The following PNLIPRP3 variants were observed in gnomAD, a reference collection of about 807,000 sequenced individuals.
The protein encoded by PNLIPRP3 is pancreatic lipase related protein 3.
In PNLIPRP3, 58 loss-of-function variants were observed where a neutral mutation model predicts 52.8. That is an observed-to-expected ratio of 1.10 (90% CI 0.89 to 1.37). PNLIPRP3 has a LOEUF of 1.37. Among genes scored for constraint, PNLIPRP3 ranks in the 40% most tolerant of loss-of-function variants. The probability of loss-of-function intolerance (pLI) is 0.00; values close to 1 mark genes in which losing one functional copy is unlikely to be tolerated. For missense variants in PNLIPRP3, 593 were observed against 561.6 expected (o/e 1.06, Z -0.57); for synonymous variants, 192 against 185.0 (o/e 1.04, Z -0.31).
chr10:116,467,086 A>G (rs903970148), intron 8 of PNLIPRP3, among the ~76,000 whole-genome samples: 1 of 152,178 alleles, frequency 6.6e-6, no homozygotes, highest in Admixed American at 6.5e-5. Context: ...GAGTCTTTGT[A>G]TATTTGGAGA....
At chr10:116,472,993 C>T (rs1846399260) in intron 10 of PNLIPRP3, among the ~76,000 whole-genome samples, 1 of 152,360 alleles carries the variant, frequency 6.6e-6, no homozygotes, top group East Asian at 1.9e-4. Flanking sequence ...TTGAGGCTCA[C>T]AGGACGCTGG....
rs749186331 is a variant in PNLIPRP3, at chr10:116,443,158, A to G, written c.308A>G (p.Gln103Arg). ...GGATGGAAAACAGATGGCAAATGGC[A>G]GAGAGACATGTGCAATGTATGACAT... is the stretch of plus-strand genomic sequence containing the variant. ...IAGWKTDGKW[Q>R]RDMCNVLLQL... Residue 103 changes from glutamine (Q) to arginine (R), a missense_variant, in exon 3 of 12, where the codon CAG becomes CGG. Coordinates refer to ENST00000369230, the MANE Select transcript of PNLIPRP3 (RefSeq NM_001011709.3). The G allele has an allele frequency of 1.2e-6, 2 of 1,610,958 alleles. No homozygotes were observed. The highest frequency in any genetic ancestry group is 8.5e-7 in the Non-Finnish European group (1 of 1,178,176).
rs1185580471 is a variant in PNLIPRP3, at chr10:116,477,266, A to G, written c.*113A>G. Reference sequence around the variant, plus strand: ...CTTGTAAATGACTTAGTCATTTACAAGGGTCTTACTCAGAGTCAAGTACGG... The same window carrying G: ...CTTGTAAATGACTTAGTCATTTACAGGGGTCTTACTCAGAGTCAAGTACGG... On this transcript the variant is annotated 3_prime_UTR_variant, in exon 12 of 12. Coordinates refer to ENST00000369230, the MANE Select transcript of PNLIPRP3 (RefSeq NM_001011709.3). 6.4e-5 allele frequency: 52 copies of G among 807,928 alleles called. No homozygotes were observed. Among genetic ancestry groups the G allele is most frequent in the Non-Finnish European group, 9.4e-5 (48 of 508,902 alleles). The allele number at this position is 807,928 out of a possible 1,614,324, so 50.0% of individuals were successfully genotyped here.
chr10:116,468,418 C>G (rs1013110301), intron 8 of PNLIPRP3, among the ~76,000 whole-genome samples: 3 of 152,200 alleles, frequency 2.0e-5, no homozygotes, highest in African/African-American at 7.2e-5. Flanking sequence ...TAGCTCTAAT[C>G]ATAAATGAAA....
intron 7 of PNLIPRP3, among the ~76,000 whole-genome samples, chr10:116,464,468 T>C (rs1402764532): frequency 1.3e-5 from 2 of 152,194 alleles, no homozygotes; most frequent in Admixed American, 1.3e-4. Context: ...TGGCAGCCTG[T>C]GCTCAGCTCA....
intron 1 of PNLIPRP3, among the ~76,000 whole-genome samples, chr10:116,435,991 C>T (rs916377920): frequency 1.3e-5 from 2 of 152,184 alleles, no homozygotes; most frequent in Non-Finnish European, 2.9e-5. Context: ...GACATAAAAA[C>T]AGACACATAA....
chr10:116,476,811 T>C lies in PNLIPRP3; in HGVS notation c.1332T>C (p.Tyr444=). 1.3e-6 allele frequency: 2 copies of C among 1,592,722 alleles called. No homozygotes were observed. Among genetic ancestry groups the C allele is most frequent in the Non-Finnish European group, 1.7e-6 (2 of 1,171,858 alleles). The change falls in exon 11 of 12, where the codon TAT becomes TAC. Residue 444 remains tyrosine, a synonymous_variant. Coordinates refer to ENST00000369230, the MANE Select transcript of PNLIPRP3 (RefSeq NM_001011709.3). The part of the protein sequence containing the change: ...AEMVINTSGK[Y]GYKSTFCSQD... The stretch of plus-strand genomic sequence containing the variant: ...TGGTGATAAATACATCTGGGAAATA[T>C]GGATATAAGTAAGTATTGCTTTTTC...
rs114805141 is a variant in PNLIPRP3, at chr10:116,440,268, G to A, written c.205-2787G>A. 4.4e-3 allele frequency among the ~76,000 whole-genome samples: 673 copies of A among 152,210 alleles called. 10 individuals are homozygous for A. The highest frequency in any genetic ancestry group is 0.016 in the African/African-American group (654 of 41,542). On this transcript the variant is annotated intron_variant, in intron 2 of 11. Transcript: ENST00000369230. ...TGGCCATGCACTTGAATTCTGTGGAGCACGGTCAGTAAAACAGAAGGTGAT... is the reference window on the plus strand; with the variant it reads ...TGGCCATGCACTTGAATTCTGTGGAACACGGTCAGTAAAACAGAAGGTGAT...
At chr10:116,435,786 T>C (rs551992842) in intron 1 of PNLIPRP3, among the ~76,000 whole-genome samples, 1 of 152,358 alleles carries the variant, frequency 6.6e-6, no homozygotes, top group Non-Finnish European at 1.5e-5. Context: ...TGCTTTTTGC[T>C]ATTAAGTTGT....
intron 10 of PNLIPRP3, among the ~76,000 whole-genome samples, chr10:116,474,945 A>C (rs1033794701): frequency 1.3e-5 from 2 of 152,200 alleles, no homozygotes; most frequent in Admixed American, 6.5e-5. Flanking sequence ...TATATACCCA[A>C]AGGAATAGAA....
intron 10 of PNLIPRP3, among the ~76,000 whole-genome samples, chr10:116,472,795 C>G (rs143804475): frequency 6.6e-6 from 1 of 152,298 alleles, no homozygotes; most frequent in African/African-American, 2.4e-5. Flanking sequence ...TTCAGTTCAG[C>G]GAGGCTACAC....
At chr10:116,458,288 C>T (rs1353377651) in intron 5 of PNLIPRP3, among the ~76,000 whole-genome samples, 5 of 152,112 alleles carry the variant, frequency 3.3e-5, no homozygotes, top group African/African-American at 4.8e-5. Context: ...AGATCCTAAA[C>T]GATTAGTTCT....
chr10:116,465,401 G>C (rs754516328), intron 7 of PNLIPRP3, among the ~76,000 whole-genome samples: 43 of 151,998 alleles, frequency 2.8e-4, no homozygotes, highest in Non-Finnish European at 4.3e-4. Flanking sequence ...CCGGCGTGGT[G>C]GTGGGCGCCT....
Position 116,476,804 on chromosome 10 carries a change from G to T in PNLIPRP3, c.1325G>T (p.Gly442Val). 6.3e-7 allele frequency: 1 copy of T among 1,597,148 alleles called. No homozygotes were observed. The highest frequency in any genetic ancestry group is 1.1e-5 in the South Asian group (1 of 87,252). ...GCAGAAATGGTGATAAATACATCTG[G>T]GAAATATGGATATAAGTAAGTATTG... ...LGAEMVINTSGKYGYKSTFCS... is the reference protein window; with the variant it reads ...LGAEMVINTSVKYGYKSTFCS... The change falls in exon 11 of 12, where the codon GGG (glycine) becomes GTG (valine). Residue 442 changes from glycine to valine, a missense_variant. Physicochemically the swap from Gly to Val is moderately radical, Grantham distance 109 (BLOSUM62 -3). Coordinates refer to ENST00000369230, the MANE Select transcript of PNLIPRP3 (RefSeq NM_001011709.3).
At chr10:116,454,365 G>A (rs1324863982) in intron 4 of PNLIPRP3, among the ~76,000 whole-genome samples, 4 of 152,138 alleles carry the variant, frequency 2.6e-5, no homozygotes, top group Non-Finnish European at 2.9e-5. Context: ...TGATCTGCCC[G>A]CCTCAGCCTC....
Position 116,476,757 on chromosome 10 carries a change from A to G in PNLIPRP3, c.1278A>G (p.Glu426=), listed in dbSNP as rs76805457. Residue 426 remains glutamate (E), a synonymous_variant, in exon 11 of 12, where the codon GAA becomes GAG. Transcript: ENST00000369230. ...TCATCTGGAAAAAACATTTGTTTGAAGATTCTCAGAATAAGTTGGGAGCAG... is the reference window on the plus strand; with the variant it reads ...TCATCTGGAAAAAACATTTGTTTGAGGATTCTCAGAATAAGTTGGGAGCAG... ...VQFIWKKHLF[E]DSQNKLGAEM... 2,411 of 1,611,044 alleles carry G rather than the reference A, an allele frequency of 1.5e-3. 33 individuals carry two copies. In the African/African-American group the frequency reaches 0.028, roughly 19 times the overall value.
chr10:116,474,504 G>T (rs892705334), intron 10 of PNLIPRP3, among the ~76,000 whole-genome samples: 1 of 152,134 alleles, frequency 6.6e-6, no homozygotes, highest in Non-Finnish European at 1.5e-5. Context: ...TCAACAGAGT[G>T]AACAGACAAC....
chr10:116,441,902 G>A (rs1470924460), intron 2 of PNLIPRP3, among the ~76,000 whole-genome samples: 3 of 152,148 alleles, frequency 2.0e-5, no homozygotes, highest in Admixed American at 2.0e-4. Flanking sequence ...AGATAGGAGT[G>A]TTAGCTATTA....
intron 2 of PNLIPRP3, among the ~76,000 whole-genome samples, chr10:116,437,710 A>G (rs1845796345): frequency 6.6e-6 from 1 of 152,136 alleles, no homozygotes; most frequent in Non-Finnish European, 1.5e-5. Context: ...AGAGGTGACT[A>G]TGAGGCCATT....
Sources: gnomAD v4.1 joint callset for allele counts (sites outside exome capture counted in the v4.1 genomes callset) on GRCh38, gnomAD v4.1.1 for gene constraint, MANE v1.5 for transcripts, NCBI Gene and HGNC (gene_info 2026-07-23, HGNC 2026-07-21) for gene names.